SPRED1: variants seen among roughly 807,000 people sequenced by gnomAD.
The protein encoded by SPRED1 is sprouty-related, EVH1 domain-containing protein 1.
SPRED1 carries 18 observed loss-of-function variants against 52.3 expected under a neutral mutation model. The ratio of observed to expected loss-of-function variants is 0.34; its 90% CI spans 0.24 to 0.51. The LOEUF (loss-of-function observed/expected upper bound fraction) is 0.51, where lower values mean the gene tolerates loss of function less well. Ranked by LOEUF, SPRED1 falls within the 20% of genes least tolerant of loss-of-function variation. The probability of loss-of-function intolerance (pLI) is 0.97; values close to 1 mark genes in which losing one functional copy is unlikely to be tolerated. For synonymous variants in SPRED1, 155 were observed against 179.7 expected (o/e 0.86, Z 1.10); for missense variants, 485 against 551.0 (o/e 0.88, Z 1.20).
chr15:38,278,278 T>A (rs568460058), intron 1 of SPRED1, among the ~76,000 whole-genome samples: 1 of 152,296 alleles, frequency 6.6e-6, no homozygotes, highest in East Asian at 1.9e-4. Context: ...GCCCAGGAGT[T>A]TGAGACCAGC....
chr15:38,292,804 TA>T (rs1244917901), intron 1 of SPRED1, among the ~76,000 whole-genome samples: 3 of 152,210 alleles, frequency 2.0e-5, no homozygotes, highest in Non-Finnish European at 4.4e-5. Flanking sequence ...TTCTTAGCGT[TA>T]AAAGTTCTGA....
At chr15:38,324,431 A>G (rs1316470241) in intron 3 of SPRED1, among the ~76,000 whole-genome samples, 1 of 152,210 alleles carries the variant, frequency 6.6e-6, no homozygotes, top group East Asian at 1.9e-4. Flanking sequence ...ACATCTTAGC[A>G]TCACCAGAGC....
intron 4 of SPRED1, among the ~76,000 whole-genome samples, chr15:38,325,634 A>G (rs1895699017): frequency 6.6e-6 from 1 of 152,144 alleles, no homozygotes; most frequent in Admixed American, 6.6e-5. Flanking sequence ...GGTCACCCAC[A>G]TTATGGAGGA....
intron 2 of SPRED1, among the ~76,000 whole-genome samples, chr15:38,301,393 T>G (rs571253335): frequency 6.6e-6 from 1 of 152,274 alleles, no homozygotes; most frequent in East Asian, 1.9e-4. Context: ...GTAACAGGAA[T>G]CAGAACACCT....
intron 2 of SPRED1, among the ~76,000 whole-genome samples, chr15:38,319,199 T>C (rs1161179827): frequency 3.9e-5 from 6 of 152,216 alleles, no homozygotes; most frequent in African/African-American, 1.2e-4. Context: ...TCCCACTGTT[T>C]ATGAATATAG....
chr15:38,339,594 G>C (rs376549743), intron 4 of SPRED1, 143 bp from the exon 5 acceptor site: 9 of 796,026 alleles, frequency 1.1e-5, no homozygotes, highest in East Asian at 2.5e-5. Flanking sequence ...GTACATTTGA[G>C]TTTTGGGAAT....
chr15:38,269,905 CTTTTTTTTTTT>C (rs10566946), intron 1 of SPRED1, among the ~76,000 whole-genome samples: 4 of 92,014 alleles, frequency 4.3e-5, no homozygotes, highest in African/African-American at 1.5e-4. Flanking sequence ...TTCTTTCTTT[CTTTTTTTTTTT>C]TTTTTTTTTG....
intron 1 of SPRED1, among the ~76,000 whole-genome samples, chr15:38,281,032 T>C (rs1255063789): frequency 6.6e-6 from 1 of 152,216 alleles, no homozygotes; most frequent in African/African-American, 2.4e-5. Context: ...ACTGGTCAGG[T>C]TGAACTTGGA....
chr15:38,351,747 ATATG>A lies in SPRED1; in HGVS notation c.*84_*87del. ...GATTTGTGGAAGCTTTTGGCAAGCA[ATATG>A]GAATCTTGCCTGGTATCATTGAGCC... On this transcript the variant is annotated 3_prime_UTR_variant, in exon 7 of 7. Coordinates refer to ENST00000299084, the MANE Select transcript of SPRED1 (RefSeq NM_152594.3). The A allele has an allele frequency of 6.6e-7, 1 of 1,508,656 alleles. No homozygotes were observed. Among genetic ancestry groups the A allele is most frequent in the Non-Finnish European group, 9.0e-7 (1 of 1,109,036 alleles). The allele number at this position is 1,508,656 out of a possible 1,614,324, so 93.5% of individuals were successfully genotyped here.
chr15:38,287,632 T>C (rs186845410), intron 1 of SPRED1, among the ~76,000 whole-genome samples: 222 of 152,280 alleles, frequency 1.5e-3, no homozygotes, highest in Middle Eastern at 6.8e-3. Flanking sequence ...CAGCTACAGA[T>C]TGAAAATATT....
rs770446191 is a variant in SPRED1, at chr15:38,339,811, G to C, written c.498G>C (p.Glu166Asp). 1 of 1,613,948 alleles carries C rather than the reference G, an allele frequency of 6.2e-7. No individual in the cohort carries two copies. The highest frequency in any genetic ancestry group is 8.5e-7 in the Non-Finnish European group (1 of 1,179,926). The change falls in exon 5 of 7, where the codon GAG becomes GAC. Residue 166 changes from glutamate to aspartate, a missense_variant. Physicochemically the swap from Glu to Asp is conservative, Grantham distance 45. Around this residue, in one of 5 missense-constraint regions of SPRED1, gnomAD observed 232 missense variants for 231.8 expected, o/e 1.00. Transcript: ENST00000299084. Reference protein sequence around the residue: ...LFQQETVVTSEPYRSSNIRPS... With the variant: ...LFQQETVVTSDPYRSSNIRPS... Reference sequence around the variant, plus strand: ...AGCAAGAGACAGTTGTTACCAGTGAGCCTTATAGAAGCTCAAATATAAGAC... The same window carrying C: ...AGCAAGAGACAGTTGTTACCAGTGACCCTTATAGAAGCTCAAATATAAGAC...
chr15:38,287,608 T>C (rs1894837125), intron 1 of SPRED1, among the ~76,000 whole-genome samples: 1 of 152,176 alleles, frequency 6.6e-6, no homozygotes, highest in African/African-American at 2.4e-5. Context: ...GTGTTTCACA[T>C]CTGTGAATTG....
chr15:38,353,317 A>G lies in SPRED1; in HGVS notation c.*1653A>G, dbSNP rs1388998291. On this transcript the variant is annotated 3_prime_UTR_variant, in exon 7 of 7. Coordinates refer to ENST00000299084, the MANE Select transcript of SPRED1 (RefSeq NM_152594.3). ...CCAGATCAAACTGAACAATGTATAT[A>G]ACACTATCTGTCTGTAAAATACTTT... The G allele has an allele frequency of 1.4e-5, 2 of 145,238 alleles. No individual in the cohort carries two copies. Among genetic ancestry groups the G allele is most frequent in the Non-Finnish European group, 3.1e-5 (2 of 64,288 alleles). 9.0% of individuals were successfully genotyped at this position (145,238 alleles called of 1,614,324 possible).
intron 3 of SPRED1, among the ~76,000 whole-genome samples, chr15:38,324,067 G>A (rs536264410): frequency 1.2e-4 from 18 of 152,094 alleles, no homozygotes; most frequent in South Asian, 6.2e-4. Context: ...GCTTTTACTC[G>A]ACCTTCTGTG....
At chr15:38,260,515 TC>T (rs140364616) in intron 1 of SPRED1, among the ~76,000 whole-genome samples, 6,252 of 152,206 alleles carry the variant, frequency 0.041, 427 homozygotes, top group African/African-American at 0.14. Context: ...ATTTTTTTTT[TC>T]TTATAGCACA....
intron 5 of SPRED1, among the ~76,000 whole-genome samples, chr15:38,342,028 GTTTTT>G (rs369153950): frequency 9.3e-6 from 1 of 107,624 alleles, no homozygotes; most frequent in Admixed American, 1.0e-4. Flanking sequence ...TTGGGTTTGG[GTTTTT>G]TTTTTTTTTT....
chr15:38,288,626 G>T (rs902794008), intron 1 of SPRED1, among the ~76,000 whole-genome samples: 1 of 152,120 alleles, frequency 6.6e-6, no homozygotes, highest in African/African-American at 2.4e-5. Flanking sequence ...CGGTAGAAGA[G>T]AACTATTATA....
intron 1 of SPRED1, among the ~76,000 whole-genome samples, chr15:38,272,965 A>G (rs1156267417): frequency 6.6e-6 from 1 of 152,086 alleles, no homozygotes; most frequent in Non-Finnish European, 1.5e-5. Context: ...GTTTATGAAT[A>G]TTTTCTCCCG....
At chr15:38,305,508 G>T (rs1012020517) in intron 2 of SPRED1, among the ~76,000 whole-genome samples, 2 of 151,774 alleles carry the variant, frequency 1.3e-5, no homozygotes, top group Non-Finnish European at 2.9e-5. Context: ...ACATTCTAGT[G>T]GAAGATAAAT....
Sources: gnomAD v4.1 joint callset for allele counts (sites outside exome capture counted in the v4.1 genomes callset) on GRCh38, gnomAD v4.1.1 for gene constraint, gnomAD v4.1.1 regional missense constraint, MANE v1.5 for transcripts, NCBI Gene and HGNC (gene_info 2026-07-23, HGNC 2026-07-21) for gene names.